STRN: variants seen among roughly 807,000 people sequenced by gnomAD.
STRN encodes striatin, also known as protein phosphatase 2 regulatory subunit B'''alpha.
A neutral mutation model predicts 96.3 loss-of-function variants in STRN; 53 were observed. The ratio of observed to expected loss-of-function variants is 0.55; its 90% CI spans 0.44 to 0.69. The LOEUF (loss-of-function observed/expected upper bound fraction) is 0.69, where lower values mean the gene tolerates loss of function less well. Among genes scored for constraint, STRN ranks in the 30% least tolerant of loss-of-function variants. STRN has a pLI of 0.00. For missense variants in STRN, 987 were observed against 963.9 expected, an observed-to-expected ratio of 1.02 and a Z score of -0.32; for synonymous variants, 428 against 355.9, an observed-to-expected ratio of 1.20 and a Z score of -2.28.
chr2:36,858,148 C>G (rs554931019), intron 13 of STRN, 125 bp from the exon 14 acceptor site: 3 of 664,440 alleles, frequency 4.5e-6, no homozygotes, highest in Non-Finnish European at 6.7e-6. Context: ...TTCTTGGTTT[C>G]TATTATTCTT....
chr2:36,855,699 T>C (rs745776247), intron 14 of STRN, among the ~76,000 whole-genome samples: 21 of 152,198 alleles, frequency 1.4e-4, no homozygotes, highest in Non-Finnish European at 1.9e-4. Flanking sequence ...GTGGGAATTC[T>C]TCATTTTAAA....
At chr2:36,957,032 G>T (rs1475466888) in intron 1 of STRN, among the ~76,000 whole-genome samples, 2 of 152,180 alleles carry the variant, frequency 1.3e-5, no homozygotes, top group Admixed American at 1.3e-4. Context: ...GTGAGGTAAA[G>T]GAACAAAAAG....
At chr2:36,939,574 G>A (rs1163105764) in intron 1 of STRN, among the ~76,000 whole-genome samples, 2 of 151,240 alleles carry the variant, frequency 1.3e-5, no homozygotes, top group Admixed American at 1.3e-4. Flanking sequence ...GCAGTGACAG[G>A]GTCTCAGTAT....
chr2:36,957,750 T>G (rs866897858), intron 1 of STRN, among the ~76,000 whole-genome samples: 7 of 77,676 alleles, frequency 9.0e-5, no homozygotes, highest in South Asian at 1.1e-3. Flanking sequence ...TTGTCTTTTT[T>G]TTTTTTTTTT....
intron 3 of STRN, among the ~76,000 whole-genome samples, chr2:36,910,692 G>C (rs560404408): frequency 6.6e-6 from 1 of 152,074 alleles, no homozygotes; most frequent in Non-Finnish European, 1.5e-5. Context: ...AGAACAGACT[G>C]AACAAAATGA....
Position 36,842,136 on chromosome 2 carries a change from C to G in STRN, c.*7320G>C, listed in dbSNP as rs988174543. ...TTTAACATTTCGGCACATATACAAA[C>G]CACAAGCTGTTTATTTCTACAACTC... On this transcript the variant is annotated 3_prime_UTR_variant, in exon 18 of 18. Transcript: ENST00000263918. 3 of 152,186 alleles carry G rather than the reference C, an allele frequency of 2.0e-5. No homozygotes were observed. The highest frequency in any genetic ancestry group is 4.4e-5 in the Non-Finnish European group (3 of 68,038). The allele number at this position is 152,186 out of a possible 1,614,324, so 9.4% of individuals were successfully genotyped here.
rs1021054350 is a variant in STRN, at chr2:36,841,424, C to G, written c.*8032G>C. 6.6e-6 allele frequency: 1 copy of G among 151,910 alleles called. No individual in the cohort carries two copies. The highest frequency in any genetic ancestry group is 1.5e-5 in the Non-Finnish European group (1 of 67,976). The allele number at this position is 151,910 out of a possible 1,614,324, so 9.4% of individuals were successfully genotyped here. On this transcript the variant is annotated 3_prime_UTR_variant, in exon 18 of 18. Transcript: ENST00000263918. ...TGGGGAGGGTATTATTCACAAACAA[C>G]TGTCAAAAGATATGAGACCACCGAG...
chr2:36,878,096 C>T, intron 9 of STRN, 69 bp from the exon 10 acceptor site: 1 of 1,561,884 alleles, frequency 6.4e-7, no homozygotes, highest in Non-Finnish European at 8.7e-7. Flanking sequence ...CATTTGCTTG[C>T]ATCAAATTTC....
intron 6 of STRN, among the ~76,000 whole-genome samples, chr2:36,897,016 C>T (rs1669557417): frequency 6.6e-6 from 1 of 151,708 alleles, no homozygotes. Flanking sequence ...AAAAATACAG[C>T]ATCAGCCGGG....
chr2:36,874,889 G>T lies in STRN; in HGVS notation c.1323+3002C>A, dbSNP rs573203131. Among the ~76,000 whole-genome samples, 33 of 152,240 alleles carry T rather than the reference G, an allele frequency of 2.2e-4. No individual in the cohort carries two copies. The South Asian group carries it at 5.4e-3, about 25-fold the overall frequency. ...CTAAATGTTCTCAGGTGAAAAGAAA[G>T]TGATCCCAGATGGACAGTCAGACAT... On this transcript the variant is annotated intron_variant, in intron 10 of 17. Coordinates refer to ENST00000263918, the MANE Select transcript of STRN (RefSeq NM_003162.4).
chr2:36,861,245 A>G lies in STRN; in HGVS notation c.1556T>C (p.Val519Ala). Residue 519 changes from valine to alanine, a missense_variant, in exon 13 of 18, where the codon GTG becomes GCG. Transcript: ENST00000263918. ...ATTGCTGCTCATTACCACACAAAGC[A>G]CTGGACCTCTGGGAGATTAAAAAAA... ...IYTFRAHKGP[V>A]LCVVMSSNGE... is the part of the protein sequence containing the mutation. 6.2e-7 allele frequency: 1 copy of G among 1,613,486 alleles called. No individual in the cohort carries two copies. The highest frequency in any genetic ancestry group is 1.1e-5 in the South Asian group (1 of 90,854).
intron 1 of STRN, among the ~76,000 whole-genome samples, chr2:36,941,870 T>C (rs1321175308): frequency 1.3e-5 from 2 of 152,112 alleles, no homozygotes; most frequent in African/African-American, 2.4e-5. Context: ...TTTTATACTA[T>C]CATTTTTATT....
intron 1 of STRN, among the ~76,000 whole-genome samples, chr2:36,932,526 A>T (rs1670601513): frequency 6.6e-6 from 1 of 152,134 alleles, no homozygotes; most frequent in Non-Finnish European, 1.5e-5. Flanking sequence ...GTACCATTTT[A>T]TTTATTTACC....
At chr2:36,898,489 C>A (rs1669600033) in intron 6 of STRN, among the ~76,000 whole-genome samples, 1 of 152,188 alleles carries the variant, frequency 6.6e-6, no homozygotes, top group African/African-American at 2.4e-5. Flanking sequence ...TAATTTGAGT[C>A]TCTGATGGAG....
intron 7 of STRN, 54 bp from the exon 8 acceptor site, chr2:36,886,880 C>CT: frequency 2.1e-6 from 3 of 1,417,192 alleles, no homozygotes; most frequent in Non-Finnish European, 2.0e-6. Context: ...ATTGAACACT[C>CT]TGAGTCAGTA....
intron 1 of STRN, among the ~76,000 whole-genome samples, chr2:36,942,772 T>G (rs1314206432): frequency 1.3e-5 from 2 of 152,148 alleles, no homozygotes; most frequent in Non-Finnish European, 2.9e-5. Flanking sequence ...CTCAGCTCAC[T>G]GCAACCTCCT....
Position 36,843,854 on chromosome 2 carries a change from T to C in STRN, c.*5602A>G, listed in dbSNP as rs1293441543. 6.6e-6 allele frequency: 1 copy of C among 152,220 alleles called. No homozygotes were observed. The highest frequency in any genetic ancestry group is 1.5e-5 in the Non-Finnish European group (1 of 68,018). The allele number at this position is 152,220 out of a possible 1,614,324, so 9.4% of individuals were successfully genotyped here. A position where few individuals can be genotyped will look rare whatever the true frequency, so the allele number is the denominator to read the frequency against. ...ATAATACACTTAGAGCCACCAAAGA[T>C]GGATATCTTAATTAGCTTATCCATA... On this transcript the variant is annotated 3_prime_UTR_variant, in exon 18 of 18. Coordinates refer to ENST00000263918, the MANE Select transcript of STRN (RefSeq NM_003162.4).
chr2:36,923,963 T>C (rs1670330945), intron 2 of STRN, among the ~76,000 whole-genome samples: 1 of 152,136 alleles, frequency 6.6e-6, no homozygotes, highest in African/African-American at 2.4e-5. Context: ...GTGACCCAAA[T>C]TTAGTTACTG....
Position 36,893,932 on chromosome 2 carries a change from A to C in STRN, c.897T>G (p.Asn299Lys), listed in dbSNP as rs762948833. 5 of 1,613,252 alleles carry C rather than the reference A, an allele frequency of 3.1e-6. No individual in the cohort carries two copies. The highest frequency in any genetic ancestry group is 4.2e-6 in the Non-Finnish European group (5 of 1,179,698). The change falls in exon 7 of 18, where the codon AAT (asparagine) becomes AAG (lysine). Residue 299 changes from asparagine to lysine, a missense_variant. Asn to Lys is a moderately conservative substitution (Grantham distance 94, BLOSUM62 0). Coordinates refer to ENST00000263918, the MANE Select transcript of STRN (RefSeq NM_003162.4). ...TTCCATCGCCTGCACTTCTAGATTC[A>C]TTGTCTCCTTCCTCTGATGTAACCA... Reference protein sequence around the residue: ...DFLVTSEEGDNESRSAGDGTD... With the variant: ...DFLVTSEEGDKESRSAGDGTD...
Sources: gnomAD v4.1 joint callset for allele counts (sites outside exome capture counted in the v4.1 genomes callset) on GRCh38, gnomAD v4.1.1 for gene constraint, MANE v1.5 for transcripts, NCBI Gene and HGNC (gene_info 2026-07-23, HGNC 2026-07-21) for gene names.